The following SYT10 variants were observed in gnomAD, a reference collection of about 807,000 sequenced individuals.
SYT10 encodes the protein synaptotagmin 10.
Under a neutral mutation model 51.1 loss-of-function variants are expected in SYT10, and 31 were observed. The observed-to-expected ratio is 0.61, with a 90% CI of 0.46 to 0.82. SYT10 has a LOEUF of 0.82. Among genes scored for constraint, SYT10 ranks in the 40% least tolerant of loss-of-function variants. The pLI, the probability that SYT10 is intolerant of heterozygous loss-of-function variation, is 0.00. For synonymous variants in SYT10, 233 were observed against 225.9 expected, an observed-to-expected ratio of 1.03 and a Z score of -0.28; for missense variants, 603 against 634.0, an observed-to-expected ratio of 0.95 and a Z score of 0.53.
At chr12:33,423,816 T>C (rs1284468246) in intron 2 of SYT10, 1 of 383,604 alleles carries the variant, frequency 2.6e-6, no homozygotes, top group African/African-American at 2.1e-5. Flanking sequence ...ATTTGAATTC[T>C]TACTCTTCCC....
chr12:33,397,941 G>T (rs1214745436), intron 3 of SYT10, among the ~76,000 whole-genome samples: 1 of 152,118 alleles, frequency 6.6e-6, no homozygotes, highest in Non-Finnish European at 1.5e-5. Flanking sequence ...TTGATGCAGA[G>T]AAGTCATACA....
intron 3 of SYT10, among the ~76,000 whole-genome samples, chr12:33,402,601 T>C (rs372663301): frequency 4.6e-5 from 7 of 152,364 alleles, no homozygotes; most frequent in Admixed American, 2.0e-4. Context: ...AGTCTTTCTT[T>C]CAATTTTAGA....
rs545891687 is a variant in SYT10 at position 33,375,270 on chromosome 12, A to G, written c.*1560T>C. On this transcript the variant is annotated 3_prime_UTR_variant, in exon 7 of 7. Transcript: ENST00000228567. Reference sequence around the variant, plus strand: ...TTACCTCTTAATTAACAGTAATGCCATCACTATAAGAGATGTCAACAAAAT... The same window carrying G: ...TTACCTCTTAATTAACAGTAATGCCGTCACTATAAGAGATGTCAACAAAAT... 6.6e-6 allele frequency: 1 copy of G among 152,242 alleles called. No individual in the cohort carries two copies. The highest frequency in any genetic ancestry group is 1.9e-4 in the East Asian group (1 of 5,184). 9.4% of individuals were successfully genotyped at this position (152,242 alleles called of 1,614,324 possible).
Position 33,387,582 on chromosome 12 carries a change from A to G in SYT10, c.1078-2291T>C, listed in dbSNP as rs527422354. On this transcript the variant is annotated intron_variant, in intron 3 of 6. Transcript: ENST00000228567. ...AGTATTGCAAGACTATTAGTAAACA[A>G]AAACTATTTTGAAAGAAAGGTATAT... Among the ~76,000 whole-genome samples, 6 of 152,306 alleles carry G rather than the reference A, an allele frequency of 3.9e-5. No individual in the cohort carries two copies. In the South Asian group the frequency reaches 1.2e-3, roughly 32 times the overall value.
chr12:33,400,607 GTAAA>G (rs774481696), intron 3 of SYT10, among the ~76,000 whole-genome samples: 10 of 151,702 alleles, frequency 6.6e-5, no homozygotes, highest in Admixed American at 1.3e-4. Context: ...GAATAGGTAA[GTAAA>G]TAAATACATA....
At position 33,376,798 on chromosome 12, in the gene SYT10, A is replaced by G; in HGVS notation, c.*32T>C. On this transcript the variant is annotated 3_prime_UTR_variant, in exon 7 of 7. Transcript: ENST00000228567. ...TGATTCAATGAGCACGTGATCCTAG[A>G]TGCTTAATATCATGGTCTCATTTTG... 1 of 1,612,502 alleles carries G rather than the reference A, an allele frequency of 6.2e-7. No individual in the cohort carries two copies.
chr12:33,393,897 T>C (rs540256717), intron 3 of SYT10, among the ~76,000 whole-genome samples: 9 of 152,190 alleles, frequency 5.9e-5, no homozygotes, highest in Non-Finnish European at 1.2e-4. Context: ...TTTCCTTCAT[T>C]ATTATCTGTC....
chr12:33,395,601 A>G (rs1866249410), intron 3 of SYT10, among the ~76,000 whole-genome samples: 1 of 152,186 alleles, frequency 6.6e-6, no homozygotes, highest in Non-Finnish European at 1.5e-5. Context: ...CATCCAAAAG[A>G]GAAAAATTGC....
At chr12:33,424,635 A>G (rs1866534038) in intron 2 of SYT10, among the ~76,000 whole-genome samples, 1 of 152,030 alleles carries the variant, frequency 6.6e-6, no homozygotes, top group South Asian at 2.1e-4. Flanking sequence ...AATGTCTTGG[A>G]AAAAAGGAAG....
intron 3 of SYT10, among the ~76,000 whole-genome samples, chr12:33,392,833 A>C (rs1866220734): frequency 6.6e-6 from 1 of 151,618 alleles, no homozygotes; most frequent in South Asian, 2.1e-4. Flanking sequence ...TCTGGGCATT[A>C]AGCGATTAAC....
chr12:33,439,272 C>A, intron 1 of SYT10, 100 bp downstream of exon 1: 1 of 1,449,128 alleles, frequency 6.9e-7, no homozygotes, highest in Non-Finnish European at 9.2e-7. Flanking sequence ...CCCAAATATG[C>A]CGCGGGAGCG....
At chr12:33,400,750 G>A (rs554045377) in intron 3 of SYT10, among the ~76,000 whole-genome samples, 2 of 152,272 alleles carry the variant, frequency 1.3e-5, no homozygotes, top group South Asian at 2.1e-4. Context: ...TCTTGGTCAG[G>A]TGTGGTGGCT....
At chr12:33,423,691 T>A (rs1866525037) in intron 2 of SYT10, among the ~76,000 whole-genome samples, 1 of 152,126 alleles carries the variant, frequency 6.6e-6, no homozygotes, top group African/African-American at 2.4e-5. Flanking sequence ...ATGCTGTTAT[T>A]CTCCAGCCTT....
At chr12:33,391,857 C>T (rs1265474245) in intron 3 of SYT10, among the ~76,000 whole-genome samples, 2 of 152,084 alleles carry the variant, frequency 1.3e-5, no homozygotes, top group African/African-American at 2.4e-5. Context: ...AGGTATCAGG[C>T]CAGGTCATGA....
chr12:33,431,879 C>G (rs961499133), intron 1 of SYT10, among the ~76,000 whole-genome samples: 5 of 150,062 alleles, frequency 3.3e-5, no homozygotes, highest in Non-Finnish European at 7.4e-5. Flanking sequence ...CATATTTGCA[C>G]AGTTAGCTTT....
chr12:33,393,851 T>C (rs1454270096), intron 3 of SYT10, among the ~76,000 whole-genome samples: 2 of 152,234 alleles, frequency 1.3e-5, no homozygotes, highest in Admixed American at 6.5e-5. Context: ...TCATGTTTCA[T>C]ATAGTACGTG....
At chr12:33,431,187 T>C (rs1181692518) in intron 1 of SYT10, among the ~76,000 whole-genome samples, 2 of 152,204 alleles carry the variant, frequency 1.3e-5, no homozygotes, top group Non-Finnish European at 2.9e-5. Context: ...GGGTATGTCA[T>C]TTCATTTTAA....
chr12:33,391,274 A>G (rs1866204652), intron 3 of SYT10, among the ~76,000 whole-genome samples: 1 of 151,818 alleles, frequency 6.6e-6, no homozygotes, highest in African/African-American at 2.4e-5. Flanking sequence ...CTTGTTTTGT[A>G]AATGTTTTCT....
At chr12:33,400,844 G>A (rs181238854) in intron 3 of SYT10, among the ~76,000 whole-genome samples, 49 of 152,108 alleles carry the variant, frequency 3.2e-4, no homozygotes, top group South Asian at 8.3e-4. Context: ...TGGCCAACAC[G>A]GTGAAACCCC....
Sources: allele counts gnomAD v4.1 joint callset (sites outside exome capture counted in the v4.1 genomes callset), GRCh38; gene constraint gnomAD v4.1.1; transcripts MANE v1.5; gene names NCBI Gene and HGNC (gene_info 2026-07-23, HGNC 2026-07-21).